The following TPCN2 variants were observed in gnomAD, a reference collection of about 807,000 sequenced individuals.
TPCN2 encodes two pore channel protein 2.
TPCN2 carries 92 observed loss-of-function variants against 111.4 expected under a neutral mutation model. The ratio of observed to expected loss-of-function variants is 0.83; its 90% confidence interval spans 0.70 to 0.98. TPCN2 has a LOEUF of 0.98. Ranked by LOEUF, TPCN2 falls within the 50% of genes least tolerant of loss-of-function variation. The pLI, the probability that TPCN2 is intolerant of heterozygous loss-of-function variation, is 0.00. For synonymous variants in TPCN2, 405 were observed against 414.5 expected (o/e 0.98, Z 0.28); for missense variants, 995 against 980.1 (o/e 1.02, Z -0.20).
At chr11:69,066,900 C>T (rs968892622) in intron 7 of TPCN2, among the ~76,000 whole-genome samples, 3 of 152,210 alleles carry the variant, frequency 2.0e-5, no homozygotes, top group African/African-American at 7.2e-5. Flanking sequence ...AGAAACACTG[C>T]ATGTGCCAGC....
intron 13 of TPCN2, 111 bp downstream of exon 13, chr11:69,073,112 G>C: frequency 1.3e-6 from 1 of 766,960 alleles, no homozygotes; most frequent in South Asian, 1.6e-5. Flanking sequence ...TCACCTGCCA[G>C]GGATCCTGGC....
At chr11:69,080,205 C>T (rs1338822327) in intron 17 of TPCN2, among the ~76,000 whole-genome samples, 1 of 152,228 alleles carries the variant, frequency 6.6e-6, no homozygotes, top group Non-Finnish European at 1.5e-5. Flanking sequence ...AGCAGAGATG[C>T]CCCTGGCTCA....
intron 13 of TPCN2, among the ~76,000 whole-genome samples, chr11:69,074,926 C>G (rs1316495770): frequency 3.3e-5 from 5 of 152,308 alleles, no homozygotes; most frequent in African/African-American, 1.2e-4. Context: ...AGAGCTGACT[C>G]TCCCACCCTT....
At chr11:69,086,019 C>T (rs1216154467) in intron 22 of TPCN2, 89 bp downstream of exon 22, 4 of 1,337,590 alleles carry the variant, frequency 3.0e-6, no homozygotes, top group Non-Finnish European at 4.2e-6. Context: ...CACTGGACGC[C>T]CGGAGCGTGG....
intron 5 of TPCN2, among the ~76,000 whole-genome samples, chr11:69,059,630 G>A (rs964932368): frequency 2.6e-5 from 4 of 152,234 alleles, no homozygotes; most frequent in Non-Finnish European, 5.9e-5. Flanking sequence ...GTGGGCCCGC[G>A]CCGGGGCTGC....
At chr11:69,057,476 C>T (rs1262560487) in intron 4 of TPCN2, 102 bp from the exon 5 acceptor site, 9 of 1,122,756 alleles carry the variant, frequency 8.0e-6, no homozygotes, top group Non-Finnish European at 1.2e-5. Flanking sequence ...GGAGGCGCAC[C>T]CTGCTCTGGT....
chr11:69,054,846 C>T lies in TPCN2; in HGVS notation c.251+49C>T, dbSNP rs370007386. The T allele has an allele frequency of 4.5e-5, 72 of 1,585,482 alleles. No individual in the cohort carries two copies. The African/African-American group carries it at 8.0e-4, about 18-fold the overall frequency. ...TCAGGGTTCCTGCCGGCTTGCGTGG[C>T]AGGGGAGGCTGGCCCCCACCTGGGG... On this transcript the variant is annotated intron_variant, in intron 3 of 24. Transcript: ENST00000294309.
intron 24 of TPCN2, 151 bp downstream of exon 24, chr11:69,087,357 C>T (rs1856328683): frequency 1.5e-6 from 1 of 660,494 alleles, no homozygotes; most frequent in African/African-American, 1.8e-5. Flanking sequence ...TCTAGGAGAG[C>T]AGCTCAGAGC....
At chr11:69,049,680 C>T (rs933560581) in intron 1 of TPCN2, among the ~76,000 whole-genome samples, 2 of 152,126 alleles carry the variant, frequency 1.3e-5, no homozygotes, top group African/African-American at 4.8e-5. Context: ...GGGGCTGGGG[C>T]GGGCCCCCTA....
At position 69,089,656 on chromosome 11, in the gene TPCN2, C is replaced by T. The variant is rs1375756872; in HGVS notation, c.*1703C>T. 6.6e-6 allele frequency: 1 copy of T among 152,296 alleles called. No homozygotes were observed. The highest frequency in any genetic ancestry group is 1.5e-5 in the Non-Finnish European group (1 of 68,078). The allele number at this position is 152,296 out of a possible 1,614,324, so 9.4% of individuals were successfully genotyped here. On this transcript the variant is annotated 3_prime_UTR_variant, in exon 25 of 25. Transcript: ENST00000294309. ...CTCCTGCTGGTGTTCTCTCTTGTTG[C>T]TTGGTGAAGGTGGCCCTGGTCAGCT... is the stretch of plus-strand genomic sequence containing the variant.
chr11:69,053,804 C>T (rs1590702734), intron 1 of TPCN2, among the ~76,000 whole-genome samples: 1 of 152,188 alleles, frequency 6.6e-6, no homozygotes, highest in Non-Finnish European at 1.5e-5. Flanking sequence ...GCGCTGCATG[C>T]GGAGGTGCCG....
Position 69,054,148 on chromosome 11 carries a change from G to A in TPCN2, c.174+51G>A, listed in dbSNP as rs7947882. 22,059 of 1,523,790 alleles carry A rather than the reference G, an allele frequency of 0.014. 2,574 individuals are homozygous for A. The African/African-American group carries it at 0.26, about 18-fold the overall frequency. The allele number at this position is 1,523,790 out of a possible 1,614,324, so 94.4% of individuals were successfully genotyped here. On this transcript the variant is annotated intron_variant, in intron 2 of 24. Transcript: ENST00000294309. ...CGGGCCTGGGGGGTGGCCGCCCTCCGATTGGCTCGCCCCTCCAGGGGCGAC... is the reference window on the plus strand; with the variant it reads ...CGGGCCTGGGGGGTGGCCGCCCTCCAATTGGCTCGCCCCTCCAGGGGCGAC...
At chr11:69,057,807 C>A in intron 5 of TPCN2, 113 bp downstream of exon 5, 1 of 880,298 alleles carries the variant, frequency 1.1e-6, no homozygotes, top group Non-Finnish European at 1.9e-6. Flanking sequence ...CCTGCCCACC[C>A]GCCCAGCACT....
chr11:69,068,356 G>A (rs1294026284), intron 8 of TPCN2, among the ~76,000 whole-genome samples: 11 of 105,050 alleles, frequency 1.0e-4, no homozygotes, highest in Admixed American at 3.6e-4. Flanking sequence ...GAGCAGGACC[G>A]TCTGAGTCCT....
At chr11:69,069,706 C>G (rs374850591) in intron 8 of TPCN2, among the ~76,000 whole-genome samples, 11 of 28,522 alleles carry the variant, frequency 3.9e-4, no homozygotes, top group East Asian at 1.3e-3. Flanking sequence ...AGTGACCGCA[C>G]TGGGAGCAGG....
intron 18 of TPCN2, among the ~76,000 whole-genome samples, chr11:69,082,557 G>A (rs537865034): frequency 1.2e-4 from 18 of 151,690 alleles, no homozygotes; most frequent in African/African-American, 4.1e-4. Flanking sequence ...TCGTGCCCGG[G>A]TAAGACGCAT....
At position 69,079,845 on chromosome 11, in the gene TPCN2, C is replaced by T; in HGVS notation, c.1551C>T (p.Ile517=). The part of the protein sequence containing the change: ...LLTVVLLVLE[I]STLAVYRLPH... The stretch of plus-strand genomic sequence containing the variant: ...TTTTGTAATTAAAGGTTTTGGAGAT[C>T]TCAACTCTGGCTGTGTACCGATTGC... Residue 517 remains isoleucine (I), a synonymous_variant, in exon 17 of 25, where the codon ATC becomes ATT. Coordinates refer to ENST00000294309, the MANE Select transcript of TPCN2 (RefSeq NM_139075.4). The T allele has an allele frequency of 6.2e-7, 1 of 1,613,756 alleles. No homozygotes were observed. The highest frequency in any genetic ancestry group is 1.1e-5 in the South Asian group (1 of 91,040).
rs1433624307 is a variant in TPCN2 at position 69,087,207 on chromosome 11, G to A, written c.2180+1G>A. 3.5e-5 allele frequency: 57 copies of A among 1,613,432 alleles called. No homozygotes were observed. The highest frequency in any genetic ancestry group is 4.7e-5 in the Non-Finnish European group (55 of 1,179,646). The stretch of plus-strand genomic sequence containing the variant: ...AGATGACTGTGGAGCTCCTGTTCAG[G>A]TGTGTGGGTGGGGAAGGCGCTTCTG... On this transcript the variant is annotated splice_donor_variant, in intron 24 of 24. Transcript: ENST00000294309. LOFTEE classifies it high-confidence loss of function.
At chr11:69,084,560 G>A (rs1488949452) in intron 19 of TPCN2, 1 of 984,820 alleles carries the variant, frequency 1.0e-6, no homozygotes, top group Non-Finnish European at 1.2e-6. Context: ...GGCAGGAGAG[G>A]GGCCTGTGAC....
Sources: allele counts gnomAD v4.1 joint callset (sites outside exome capture counted in the v4.1 genomes callset), GRCh38; gene constraint gnomAD v4.1.1; transcripts MANE v1.5; gene names NCBI Gene and HGNC (gene_info 2026-07-23, HGNC 2026-07-21).